The following TRMT2B variants were observed in gnomAD, a reference collection of about 807,000 sequenced individuals.
TRMT2B encodes the protein tRNA methyltransferase 2B, also known as tRNA (uracil-5-)-methyltransferase homolog B.
A neutral mutation model predicts 39.7 loss-of-function variants in TRMT2B; 34 were observed. The ratio of observed to expected loss-of-function variants is 0.86; its 90% CI spans 0.65 to 1.14. TRMT2B has a LOEUF of 1.14. TRMT2B is among the 50% of genes most tolerant of loss of function. TRMT2B has a pLI of 0.00. For synonymous variants in TRMT2B, 132 were observed against 137.3 expected, an observed-to-expected ratio of 0.96 and a Z score of 0.27; for missense variants, 318 against 377.2, an observed-to-expected ratio of 0.84 and a Z score of 1.30.
the TRMT2B span, among the ~76,000 whole-genome samples, chrX:100,976,844 C>T: frequency 4.4e-5 from 5 of 112,459 alleles, no homozygotes; most frequent in South Asian, 3.7e-4. Context: ...GTGATCCACC[C>T]GCCTTGGCCT....
chrX:101,000,221 A>G, the TRMT2B span, among the ~76,000 whole-genome samples: 2 of 108,446 alleles, frequency 1.8e-5, no homozygotes, highest in Non-Finnish European at 3.8e-5. Flanking sequence ...CCTGGGTTCA[A>G]GTGATTCTCC....
At chrX:101,019,148 A>G in intron 12 of TRMT2B, 78 bp from the exon 13 acceptor site, 1 of 1,113,087 alleles carries the variant, frequency 9.0e-7, no homozygotes, top group Non-Finnish European at 1.2e-6. Context: ...ACTGACCAGA[A>G]CTCAGGATTG....
chrX:101,010,845 T>C, intron 13 of TRMT2B, 138 bp from the exon 14 acceptor site: 1 of 553,557 alleles, frequency 1.8e-6, no homozygotes. Flanking sequence ...TTATCTTATT[T>C]AATATAATCG....
At chrX:101,045,783 G>C (rs1259341436) in intron 2 of TRMT2B, among the ~76,000 whole-genome samples, 1 of 108,801 alleles carries the variant, frequency 9.2e-6, no homozygotes, top group Non-Finnish European at 1.9e-5. Context: ...AGGTGACAGA[G>C]TGAGACTCCA....
At chrX:101,038,786 G>A (rs774154673) in intron 4 of TRMT2B, among the ~76,000 whole-genome samples, 2 of 111,849 alleles carry the variant, frequency 1.8e-5, no homozygotes, top group East Asian at 5.6e-4. Context: ...TCTCACTCTC[G>A]TCACCCAATC....
At chrX:101,014,647 C>T (rs2086429331) in intron 13 of TRMT2B, among the ~76,000 whole-genome samples, 2 of 110,491 alleles carry the variant, frequency 1.8e-5, no homozygotes, top group Admixed American at 2.0e-4. Flanking sequence ...TCAAGCGATC[C>T]GCCTATCTCA....
Position 101,012,904 on chromosome X carries a change from C to T in TRMT2B, c.1389-2197G>A, listed in dbSNP as rs181387682. Among the ~76,000 whole-genome samples, 593 of 110,418 alleles carry T rather than the reference C, an allele frequency of 5.4e-3. 7 individuals are homozygous for T. The highest frequency in any genetic ancestry group is 0.018 in the African/African-American group (560 of 30,353). ...CACAGTCTTGTCTCACTGCAACCTC[C>T]GCCTCCTGGATTCAAGCGATTTTCC... On this transcript the variant is annotated intron_variant, in intron 13 of 13. Transcript: ENST00000372936.
chrX:101,022,620 C>CAA (rs35651870), intron 8 of TRMT2B, among the ~76,000 whole-genome samples: 17 of 63,107 alleles, frequency 2.7e-4, no homozygotes, highest in Admixed American at 1.4e-3. Flanking sequence ...GACTCTGTCT[C>CAA]AAAAAAAAAA....
At chrX:101,017,839 G>C (rs1373790528) in intron 13 of TRMT2B, among the ~76,000 whole-genome samples, 1 of 112,170 alleles carries the variant, frequency 8.9e-6, no homozygotes, top group African/African-American at 3.2e-5. Flanking sequence ...CACTGAGGCG[G>C]GGTTCAACAA....
At chrX:100,983,796 C>T in the TRMT2B span, among the ~76,000 whole-genome samples, 1 of 111,721 alleles carries the variant, frequency 9.0e-6, no homozygotes, top group Admixed American at 9.6e-5. Context: ...ATGAAAATCA[C>T]ATTTAAACAT....
intron 2 of TRMT2B, among the ~76,000 whole-genome samples, chrX:101,050,468 C>A (rs1453787673): frequency 9.0e-6 from 1 of 110,609 alleles, no homozygotes; most frequent in African/African-American, 3.3e-5. Flanking sequence ...CTCACGCCTG[C>A]AATCCCAGCA....
chrX:100,998,831 G>A, the TRMT2B span, among the ~76,000 whole-genome samples: 1 of 110,873 alleles, frequency 9.0e-6, no homozygotes, highest in South Asian at 3.8e-4. Flanking sequence ...TGGCCAGTAT[G>A]CTATATCGCC....
intron 5 of TRMT2B, 64 bp from the exon 6 acceptor site, chrX:101,037,137 A>G: frequency 1.1e-6 from 1 of 881,424 alleles, no homozygotes. Flanking sequence ...AGATAACAAT[A>G]AAGGGAAAGC....
intron 13 of TRMT2B, among the ~76,000 whole-genome samples, chrX:101,015,273 G>A (rs2086457295): frequency 9.0e-6 from 1 of 111,452 alleles, no homozygotes; most frequent in Admixed American, 9.7e-5. Flanking sequence ...CTCAGGAATG[G>A]AATTACCATG....
At chrX:100,999,026 C>A in the TRMT2B span, among the ~76,000 whole-genome samples, 1 of 112,239 alleles carries the variant, frequency 8.9e-6, no homozygotes, top group Non-Finnish European at 1.9e-5. Flanking sequence ...TCAGTAAAGG[C>A]AAATGGTAAA....
At chrX:101,005,948 C>T (rs1391228783), downstream of TRMT2B, among the ~76,000 whole-genome samples, 2 of 100,272 alleles carry the variant, frequency 2.0e-5, no homozygotes, top group Non-Finnish European at 4.0e-5. Context: ...GGGCCAGGTG[C>T]GGTGGCTCAC....
the TRMT2B span, among the ~76,000 whole-genome samples, chrX:100,980,425 G>A: frequency 2.7e-3 from 300 of 109,843 alleles, 1 homozygote; most frequent in African/African-American, 9.2e-3. Context: ...TTCAAGGCCC[G>A]AGGGCTCTTT....
At chrX:101,040,451 G>A (rs1194926590) in intron 4 of TRMT2B, among the ~76,000 whole-genome samples, 2 of 111,174 alleles carry the variant, frequency 1.8e-5, no homozygotes, top group African/African-American at 6.5e-5. Context: ...TGTTTGAGGT[G>A]CGTGCATGCA....
chrX:101,045,493 G>A (rs1241989180), intron 2 of TRMT2B, among the ~76,000 whole-genome samples: 1 of 107,636 alleles, frequency 9.3e-6, no homozygotes, highest in African/African-American at 3.4e-5. Flanking sequence ...AAACAGGCTG[G>A]GTGTGGTGGC....
Sources: gnomAD v4.1 joint callset for allele counts (sites outside exome capture counted in the v4.1 genomes callset) on GRCh38, gnomAD v4.1.1 for gene constraint, MANE v1.5 for transcripts, NCBI Gene and HGNC (gene_info 2026-07-23, HGNC 2026-07-21) for gene names.